Variants in BNC2 observed in about 807,000 individuals in gnomAD.
BNC2 encodes zinc finger protein basonuclin-2.
In BNC2, 20 loss-of-function variants were observed where a neutral mutation model predicts 76.3. The ratio of observed to expected loss-of-function variants is 0.26; its 90% CI spans 0.18 to 0.38. The LOEUF (loss-of-function observed/expected upper bound fraction) is 0.38. BNC2 is among the 10% of genes least tolerant of loss of function. The pLI, the probability that BNC2 is intolerant of heterozygous loss-of-function variation, is 1.00. For synonymous variants in BNC2, 582 were observed against 514.8 expected (o/e 1.13, Z -1.77); for missense variants, 1,382 against 1,399.8 (o/e 0.99, Z 0.20).
chr9:16,669,686 C>T (rs1822416273), intron 3 of BNC2, among the ~76,000 whole-genome samples: 1 of 152,168 alleles, frequency 6.6e-6, no homozygotes, highest in Non-Finnish European at 1.5e-5. Context: ...CTTCCATCTA[C>T]CTGCACAAAT....
chr9:16,777,863 A>G (rs1295011051), intron 1 of BNC2, among the ~76,000 whole-genome samples: 1 of 152,218 alleles, frequency 6.6e-6, no homozygotes, highest in Non-Finnish European at 1.5e-5. Context: ...CTCCCATACA[A>G]TGGAATTCTC....
intron 1 of BNC2, among the ~76,000 whole-genome samples, chr9:16,765,953 A>AT (rs552545728): frequency 4.0e-5 from 6 of 151,816 alleles, no homozygotes; most frequent in Non-Finnish European, 1.5e-5. Flanking sequence ...CGCCTGGCTA[A>AT]TTTTTTTGTA....
At chr9:16,757,510 A>G (rs1349749469) in intron 1 of BNC2, among the ~76,000 whole-genome samples, 2 of 152,206 alleles carry the variant, frequency 1.3e-5, no homozygotes, top group Non-Finnish European at 2.9e-5. Context: ...AATGTGAGAA[A>G]TATCTGTCAA....
intron 3 of BNC2, among the ~76,000 whole-genome samples, chr9:16,629,147 A>G (rs1246074414): frequency 6.6e-6 from 1 of 152,190 alleles, no homozygotes; most frequent in Non-Finnish European, 1.5e-5. Flanking sequence ...CTAATCGGGA[A>G]GGTTTACCTT....
chr9:16,625,941 G>C (rs1460057709), intron 3 of BNC2: 1 of 152,162 alleles, frequency 6.6e-6, no homozygotes, highest in Non-Finnish European at 1.5e-5. Context: ...GCACCTTCTG[G>C]TCATTCACAT....
chr9:16,528,812 T>G (rs915688478), intron 5 of BNC2, among the ~76,000 whole-genome samples: 1 of 147,720 alleles, frequency 6.8e-6, no homozygotes, highest in Admixed American at 6.8e-5. Context: ...GTTCAAAAAA[T>G]GGATGAGATC....
intron 5 of BNC2, among the ~76,000 whole-genome samples, chr9:16,526,467 C>CTTTTTTT (rs144511624): frequency 2.0e-5 from 1 of 48,790 alleles, no homozygotes; most frequent in African/African-American, 8.6e-5. Context: ...TAGTTTAATG[C>CTTTTTTT]TTTTTTTTTT....
rs1007648686 is a variant in BNC2, at chr9:16,758,440, C to T, written c.4-19955G>A. On this transcript the variant is annotated intron_variant, in intron 1 of 6. Coordinates refer to ENST00000380672, the MANE Select transcript of BNC2 (RefSeq NM_017637.6). ...CTGCAACCTCTGCCTCCAAGATTCT[C>T]CTGCCTCAGCTTCCCAAGTAGCTGG... 3.3e-5 allele frequency among the ~76,000 whole-genome samples: 5 copies of T among 152,034 alleles called. No homozygotes were observed. The East Asian group carries it at 7.7e-4, about 24-fold the overall frequency.
chr9:16,740,118 C>T (rs758393118), intron 1 of BNC2, among the ~76,000 whole-genome samples: 3 of 152,194 alleles, frequency 2.0e-5, no homozygotes, highest in Non-Finnish European at 4.4e-5. Flanking sequence ...GATTGTCCAA[C>T]GTTCCACCTG....
intron 1 of BNC2, among the ~76,000 whole-genome samples, chr9:16,826,196 GC>G (rs1305442387): frequency 7.3e-6 from 1 of 137,016 alleles, no homozygotes; most frequent in Admixed American, 7.6e-5. Flanking sequence ...GGACACAACA[GC>G]CCCCCTTTCT....
chr9:16,755,285 C>G (rs1825347869), intron 1 of BNC2, among the ~76,000 whole-genome samples: 1 of 151,976 alleles, frequency 6.6e-6, no homozygotes, highest in Non-Finnish European at 1.5e-5. Flanking sequence ...CACAGGAGAC[C>G]CAGGGGACTG....
intron 1 of BNC2, among the ~76,000 whole-genome samples, chr9:16,742,940 T>C (rs1469937660): frequency 1.3e-5 from 2 of 152,194 alleles, no homozygotes; most frequent in African/African-American, 4.8e-5. Context: ...GAATGGGGGA[T>C]GGAAACATCT....
intron 3 of BNC2, among the ~76,000 whole-genome samples, chr9:16,595,656 A>G (rs1367936004): frequency 2.0e-5 from 3 of 152,190 alleles, no homozygotes; most frequent in African/African-American, 4.8e-5. Context: ...TATGACATCT[A>G]TATGAATCTG....
chr9:16,508,247 G>C (rs1822674970), intron 5 of BNC2, among the ~76,000 whole-genome samples: 1 of 152,170 alleles, frequency 6.6e-6, no homozygotes, highest in East Asian at 1.9e-4. Flanking sequence ...AGGTCCTCAG[G>C]ACTTCTGGTC....
At position 16,470,773 on chromosome 9, in the gene BNC2, GA is replaced by G. The variant is rs1413286772; in HGVS notation, c.670-33250del. On this transcript the variant is annotated intron_variant, in intron 5 of 6. Coordinates refer to ENST00000380672, the MANE Select transcript of BNC2 (RefSeq NM_017637.6). Reference sequence around the variant, plus strand: ...CCGCCTAGATTTCAGAAGATGTATGGAAACACCTGGATGCCCTGGCAAAAGT... The same window carrying G: ...CCGCCTAGATTTCAGAAGATGTATGGAACACCTGGATGCCCTGGCAAAAGT... Among the ~76,000 whole-genome samples the G allele has an allele frequency of 2.0e-5, 3 of 152,186 alleles. No homozygotes were observed. In the East Asian group the frequency reaches 5.8e-4, roughly 29 times the overall value.
At chr9:16,445,247 TG>T (rs1821207776) in intron 5 of BNC2, among the ~76,000 whole-genome samples, 2 of 152,358 alleles carry the variant, frequency 1.3e-5, no homozygotes, top group Admixed American at 1.3e-4. Flanking sequence ...TATTTCTTGC[TG>T]GGCACTGACG....
chr9:16,794,248 C>T (rs1185715542), intron 1 of BNC2, among the ~76,000 whole-genome samples: 2 of 152,066 alleles, frequency 1.3e-5, no homozygotes, highest in African/African-American at 4.8e-5. Flanking sequence ...CTCTCACTAC[C>T]GTCCCCCAGC....
chr9:16,790,857 G>T (rs1817485684), intron 1 of BNC2, among the ~76,000 whole-genome samples: 2 of 127,754 alleles, frequency 1.6e-5, no homozygotes, highest in African/African-American at 5.9e-5. Flanking sequence ...TTTACAATTA[G>T]CTAAAATTTT....
chr9:16,532,050 T>TG (rs1001957625), intron 5 of BNC2, among the ~76,000 whole-genome samples: 1 of 152,052 alleles, frequency 6.6e-6, no homozygotes, highest in African/African-American at 2.4e-5. Flanking sequence ...TCTTTTTTTT[T>TG]TGGTAACAAC....
Sources: allele counts gnomAD v4.1 joint callset (sites outside exome capture counted in the v4.1 genomes callset), GRCh38; gene constraint gnomAD v4.1.1; transcripts MANE v1.5; gene names NCBI Gene and HGNC (gene_info 2026-07-23, HGNC 2026-07-21).